Variants in TBL1XR1 observed in about 807,000 individuals in gnomAD.
The protein encoded by TBL1XR1 is TBL1X/Y related 1, also known as F-box-like/WD repeat-containing protein TBL1XR1.
In TBL1XR1, 5 loss-of-function variants were observed where a neutral mutation model predicts 66.9. The ratio of observed to expected loss-of-function variants is 0.07; its 90% CI spans 0.04 to 0.16. The LOEUF (loss-of-function observed/expected upper bound fraction) is 0.16. Among genes scored for constraint, TBL1XR1 ranks in the 10% least tolerant of loss-of-function variants. TBL1XR1 has a pLI of 1.00. For synonymous variants in TBL1XR1, 210 were observed against 206.0 expected, an observed-to-expected ratio of 1.02 and a Z score of -0.17; for missense variants, 238 against 623.2, an observed-to-expected ratio of 0.38 and a Z score of 6.58.
intron 1 of TBL1XR1, among the ~76,000 whole-genome samples, chr3:177,166,640 G>GT (rs1732858038): frequency 6.6e-6 from 1 of 152,134 alleles, no homozygotes; most frequent in Non-Finnish European, 1.5e-5. Context: ...TGCCATGATT[G>GT]TAAGTTTCCT....
intron 3 of TBL1XR1, among the ~76,000 whole-genome samples, chr3:177,064,379 A>G (rs1201503243): frequency 2.0e-5 from 3 of 152,270 alleles, no homozygotes; most frequent in East Asian, 1.9e-4. Context: ...TTATCTATCA[A>G]TAAAACTTGG....
chr3:177,186,940 GC>G lies in TBL1XR1; in HGVS notation c.-122+10180del, dbSNP rs571424658. Among the ~76,000 whole-genome samples the G allele has an allele frequency of 2.2e-4, 33 of 152,246 alleles. No homozygotes were observed. The South Asian group carries it at 5.8e-3, about 27-fold the overall frequency. ...CCAGCACTTTGGGAGGCCGAGGCGG[GC>G]GGATCACAAGGTCAGGAGATCGAGA... is the stretch of plus-strand genomic sequence containing the variant. On this transcript the variant is annotated intron_variant, in intron 1 of 15. Transcript: ENST00000457928.
chr3:177,174,224 C>T (rs1422173652), intron 1 of TBL1XR1, among the ~76,000 whole-genome samples: 2 of 151,820 alleles, frequency 1.3e-5, no homozygotes, highest in Non-Finnish European at 1.5e-5. Context: ...CCTGGCTAAC[C>T]AGTGAAACCC....
At chr3:177,124,208 A>G (rs1727331343) in intron 1 of TBL1XR1, among the ~76,000 whole-genome samples, 1 of 152,010 alleles carries the variant, frequency 6.6e-6, no homozygotes, top group Non-Finnish European at 1.5e-5. Flanking sequence ...GTTTTCCCTC[A>G]CTTTCCTTCC....
upstream of TBL1XR1, among the ~76,000 whole-genome samples, chr3:177,199,402 AATGACGTAGATATCAC>A (rs1737297220): frequency 6.6e-6 from 1 of 151,800 alleles, no homozygotes; most frequent in Admixed American, 6.6e-5. Context: ...TGAGTTGATA[AATGACGTAGATATCAC>A]TAAACATACC....
intron 2 of TBL1XR1, among the ~76,000 whole-genome samples, chr3:177,083,777 TTTTG>T (rs2108615596): frequency 6.6e-6 from 1 of 152,222 alleles, no homozygotes; most frequent in South Asian, 2.1e-4. Flanking sequence ...TTTTTTTTGT[TTTTG>T]TTTTTGTTTT....
At chr3:177,127,261 C>CT (rs993997176) in intron 1 of TBL1XR1, among the ~76,000 whole-genome samples, 32 of 152,288 alleles carry the variant, frequency 2.1e-4, no homozygotes, top group African/African-American at 7.5e-4. Flanking sequence ...TATGGTATCT[C>CT]TAACATCATA....
chr3:177,138,752 G>GAA (rs1253218200), intron 1 of TBL1XR1, among the ~76,000 whole-genome samples: 5 of 152,096 alleles, frequency 3.3e-5, no homozygotes, highest in Admixed American at 1.3e-4. Context: ...CAAAAAGGGA[G>GAA]AAAAAGGAGG....
intron 3 of TBL1XR1, among the ~76,000 whole-genome samples, chr3:177,057,298 GA>G (rs1388235056): frequency 6.6e-6 from 1 of 152,118 alleles, no homozygotes; most frequent in Non-Finnish European, 1.5e-5. Context: ...GCTGATCCTA[GA>G]ATTTCTGTAT....
In TBL1XR1 at chr3:177,050,052, C is replaced by T; in HGVS notation, c.647G>A (p.Arg216Gln). ...GCTTGGAACATCTTGCCCTCCTTCT[C>T]GTATACAATGTCTAAGTACTAACTG... is the stretch of plus-strand genomic sequence containing the variant. ...STQLVLRHCI[R>Q]EGGQDVPSNK... is the part of the protein sequence containing the mutation. The change falls in exon 7 of 16, where the codon CGA (arginine) becomes CAA (glutamine). Residue 216 changes from arginine (R) to glutamine (Q), a missense_variant. By Grantham distance (43) the Arg-to-Gln change is conservative (BLOSUM62 1). This residue lies in a region of TBL1XR1 where 26 missense variants were observed against 103.7 expected (regional missense o/e 0.25). Transcript: ENST00000457928. 1 of 1,613,734 alleles carries T rather than the reference C, an allele frequency of 6.2e-7. No homozygotes were observed. Among genetic ancestry groups the T allele is most frequent in the Non-Finnish European group, 8.5e-7 (1 of 1,179,770 alleles).
chr3:177,160,822 C>T (rs1732102264), intron 1 of TBL1XR1: 1 of 151,846 alleles, frequency 6.6e-6, no homozygotes, highest in South Asian at 2.1e-4. Context: ...ATGGTGACAC[C>T]ACATCGCTAC....
At chr3:177,177,936 G>A (rs1734349769) in intron 1 of TBL1XR1, among the ~76,000 whole-genome samples, 1 of 152,164 alleles carries the variant, frequency 6.6e-6, no homozygotes, top group African/African-American at 2.4e-5. Flanking sequence ...TGGAGAATAA[G>A]GGTCTGATGG....
At chr3:177,026,706 TTG>T (rs1713177921) in intron 14 of TBL1XR1, 1 of 411,086 alleles carries the variant, frequency 2.4e-6, no homozygotes, top group Non-Finnish European at 4.2e-6. Flanking sequence ...TTCTCCAGTC[TTG>T]ATAACCATTC....
intron 1 of TBL1XR1, among the ~76,000 whole-genome samples, chr3:177,139,976 A>C (rs548043554): frequency 2.0e-5 from 3 of 152,306 alleles, no homozygotes; most frequent in Admixed American, 2.0e-4. Flanking sequence ...CTAGAAGACA[A>C]TATAGCAGTG....
At chr3:177,131,011 TA>T (rs1728228782) in intron 1 of TBL1XR1, among the ~76,000 whole-genome samples, 1 of 152,092 alleles carries the variant, frequency 6.6e-6, no homozygotes, top group South Asian at 2.1e-4. Flanking sequence ...TAAAAAATTT[TA>T]AAACGTACTG....
chr3:177,113,492 C>A (rs1037783132), intron 1 of TBL1XR1, among the ~76,000 whole-genome samples: 12 of 152,002 alleles, frequency 7.9e-5, no homozygotes, highest in African/African-American at 2.9e-4. Context: ...TCTAAAAGAA[C>A]TTAAGACAAC....
chr3:177,198,192 C>T (rs777550032), upstream of TBL1XR1, among the ~76,000 whole-genome samples: 3 of 152,124 alleles, frequency 2.0e-5, no homozygotes, highest in Non-Finnish European at 4.4e-5. Context: ...AAAATGTGAT[C>T]CAGAGCACGG....
At chr3:177,131,226 G>T in intron 1 of TBL1XR1, 1 of 423,800 alleles carries the variant, frequency 2.4e-6, no homozygotes, top group Non-Finnish European at 3.2e-6. Context: ...CATACTGAAT[G>T]CCTAACTCTT....
At chr3:177,174,243 G>A (rs546698659) in intron 1 of TBL1XR1, among the ~76,000 whole-genome samples, 1 of 151,624 alleles carries the variant, frequency 6.6e-6, no homozygotes, top group South Asian at 2.1e-4. Flanking sequence ...CCCGTCTGTA[G>A]TAAAAATACA....
Sources: allele counts gnomAD v4.1 joint callset (sites outside exome capture counted in the v4.1 genomes callset), GRCh38; gene constraint gnomAD v4.1.1; regional missense constraint gnomAD v4.1.1; transcripts MANE v1.5; gene names NCBI Gene and HGNC (gene_info 2026-07-23, HGNC 2026-07-21).